Variants in SLC30A1 observed in about 807,000 individuals in gnomAD.
The protein encoded by SLC30A1 is solute carrier family 30 member 1.
In SLC30A1, 7 loss-of-function variants were observed where a neutral mutation model predicts 29.8. That is an observed-to-expected ratio of 0.23 (90% CI 0.13 to 0.44). The LOEUF is 0.44. Among genes scored for constraint, SLC30A1 ranks in the 20% least tolerant of loss-of-function variants. SLC30A1 has a pLI of 1.00. For missense variants in SLC30A1, 446 were observed against 647.9 expected (o/e 0.69, Z 3.38); for synonymous variants, 254 against 253.5 (o/e 1.00, Z -0.02).
In SLC30A1 at chr1:211,572,149, A is replaced by G. The variant is rs1211084328; in HGVS notation, c.*3239T>C. The G allele has an allele frequency of 1.3e-5, 2 of 152,154 alleles. No individual in the cohort carries two copies. The highest frequency in any genetic ancestry group is 6.5e-5 in the Admixed American group (1 of 15,274). 9.4% of individuals were successfully genotyped at this position (152,154 alleles called of 1,614,324 possible). ...AATAGCATTACCACATAGTATCGGT[A>G]GAGCTACATCAAAATAGTGCTATTA... On this transcript the variant is annotated 3_prime_UTR_variant, in exon 2 of 2. Coordinates refer to ENST00000367001, the MANE Select transcript of SLC30A1 (RefSeq NM_021194.3).
rs1372052199 is a variant in SLC30A1, at chr1:211,573,457, C to T, written c.*1931G>A. ...CAAGTAGAGCATTTGTAAAGAAAAC[C>T]TCATTGAATGTAATATATTTTATCA... On this transcript the variant is annotated 3_prime_UTR_variant, in exon 2 of 2. Coordinates refer to ENST00000367001, the MANE Select transcript of SLC30A1 (RefSeq NM_021194.3). 1 of 151,986 alleles carries T rather than the reference C, an allele frequency of 6.6e-6. No homozygotes were observed. Among genetic ancestry groups the T allele is most frequent in the Admixed American group, 6.5e-5 (1 of 15,268 alleles). The allele number at this position is 151,986 out of a possible 1,614,324, so 9.4% of individuals were successfully genotyped here.
Position 211,578,013 on chromosome 1 carries a change from G to C in SLC30A1, c.600C>G (p.Asn200Lys), listed in dbSNP as rs765430178. 1.1e-5 allele frequency: 17 copies of C among 1,613,094 alleles called. No homozygotes were observed. The highest frequency in any genetic ancestry group is 1.3e-5 in the African/African-American group (1 of 74,924). Residue 200 changes from asparagine (N) to lysine (K), a missense_variant, in exon 1 of 2, where the codon AAC (asparagine) becomes AAG (lysine). Physicochemically the swap from Asn to Lys is moderately conservative, Grantham distance 94. This residue lies in a region of SLC30A1 where 159 missense variants were observed against 161.1 expected (regional missense o/e 0.99). Coordinates refer to ENST00000367001, the MANE Select transcript of SLC30A1 (RefSeq NM_021194.3). ...CACCTGCGGGGTCCAATTTCAGCCC[G>C]TTGGAGTTGCTGGTATTGGCCACCA... ...NTLVANTSNS[N>K]GLKLDPADPE...
At position 211,575,875 on chromosome 1, in the gene SLC30A1, GT is replaced by G; in HGVS notation, c.1036del (p.Thr346LeufsTer11). 1 of 1,613,080 alleles carries G rather than the reference GT, an allele frequency of 6.2e-7. No homozygotes were observed. The highest frequency in any genetic ancestry group is 2.2e-5 in the East Asian group (1 of 44,882). On this transcript the variant is annotated frameshift_variant, in exon 2 of 2. Coordinates refer to ENST00000367001, the MANE Select transcript of SLC30A1 (RefSeq NM_021194.3). LOFTEE classifies it high-confidence loss of function. This position sits in a 1 kb window ranked among gnomAD's most constrained non-coding sequence, Gnocchi z 6.0. The part of the protein sequence containing the change: ...LKESALILLQ[T>X]VPKQIDIRNL... ...TCTGATATCAATTTGTTTAGGAACA[GT>G]TTGTAGAAGAATAAGAGCAGATTCC...
In SLC30A1 at chr1:211,577,948, A is replaced by AC; in HGVS notation, c.622+42dup. On this transcript the variant is annotated intron_variant, in intron 1 of 1. Coordinates refer to ENST00000367001, the MANE Select transcript of SLC30A1 (RefSeq NM_021194.3). The surrounding 1 kb of genome is among the most constrained non-coding windows in gnomAD (Gnocchi z 4.5). ...CCGAAGGCCAGGCGAGGCTCTGGGCACCCCAAACCCAACCACCTGCGGCAG... is the reference window on the plus strand; with the variant it reads ...CCGAAGGCCAGGCGAGGCTCTGGGCACCCCCAAACCCAACCACCTGCGGCAG... The AC allele has an allele frequency of 1.2e-6, 2 of 1,608,236 alleles. No homozygotes were observed. Among genetic ancestry groups the AC allele is most frequent in the Non-Finnish European group, 1.7e-6 (2 of 1,178,080 alleles).
rs1706659861 is a variant in SLC30A1 at position 211,572,054 on chromosome 1, A to G, written c.*3334T>C. ...TTTTTGGTTTAAAAGTTTAAATTGAATAACATACAAAAGGCTCTTGTGCCA... is the reference window on the plus strand; with the variant it reads ...TTTTTGGTTTAAAAGTTTAAATTGAGTAACATACAAAAGGCTCTTGTGCCA... On this transcript the variant is annotated 3_prime_UTR_variant, in exon 2 of 2. Coordinates refer to ENST00000367001, the MANE Select transcript of SLC30A1 (RefSeq NM_021194.3). The G allele has an allele frequency of 6.6e-6, 1 of 152,166 alleles. No homozygotes were observed. Among genetic ancestry groups the G allele is most frequent in the Non-Finnish European group, 1.5e-5 (1 of 67,984 alleles). 9.4% of individuals were successfully genotyped at this position (152,166 alleles called of 1,614,324 possible). A position where few individuals can be genotyped will look rare whatever the true frequency, so the allele number is the denominator to read the frequency against.
rs965191826 is a variant in SLC30A1 at position 211,573,889 on chromosome 1, ACCAC to A, written c.*1495_*1498del. On this transcript the variant is annotated 3_prime_UTR_variant, in exon 2 of 2. Coordinates refer to ENST00000367001, the MANE Select transcript of SLC30A1 (RefSeq NM_021194.3). ...TAGGCTTATACTAGGAAAAACACAC[ACCAC>A]AAAAGATCATCCCTTTAAAAAGTAA... 3 of 152,510 alleles carry A rather than the reference ACCAC, an allele frequency of 2.0e-5. No individual in the cohort carries two copies. The highest frequency in any genetic ancestry group is 7.2e-5 in the African/African-American group (3 of 41,452). 9.4% of individuals were successfully genotyped at this position (152,510 alleles called of 1,614,324 possible).
rs1706697063 is a variant in SLC30A1 at position 211,574,683 on chromosome 1, T to TA, written c.*704dup. On this transcript the variant is annotated 3_prime_UTR_variant, in exon 2 of 2. Transcript: ENST00000367001. ...GAATAAAAAGTTGAAATTCTCAAAA[T>TA]AATTTAGAAATGTAGTCTCAATATT... 1 of 152,170 alleles carries TA rather than the reference T, an allele frequency of 6.6e-6. No homozygotes were observed. The highest frequency in any genetic ancestry group is 1.5e-5 in the Non-Finnish European group (1 of 67,988). 9.4% of individuals were successfully genotyped at this position (152,170 alleles called of 1,614,324 possible).
rs1284554786 is a variant in SLC30A1, at chr1:211,577,592, G to C, written c.622+399C>G. ...TGGGGATTCTCTCCGTTTCCCAAGA[G>C]GGCCAAGGAATTGAATTGGGAAGCA... On this transcript the variant is annotated intron_variant, in intron 1 of 1. Coordinates refer to ENST00000367001, the MANE Select transcript of SLC30A1 (RefSeq NM_021194.3). This position sits in a 1 kb window ranked among gnomAD's most constrained non-coding sequence, Gnocchi z 4.5. Among the ~76,000 whole-genome samples, 1 of 152,192 alleles carries C rather than the reference G, an allele frequency of 6.6e-6. No homozygotes were observed. The highest frequency in any genetic ancestry group is 1.9e-4 in the East Asian group (1 of 5,194).
rs1189179905 is a variant in SLC30A1 at position 211,578,130 on chromosome 1, C to T, written c.483G>A (p.Lys161=). ...GGCGGGTGCTCTTAACGCGAGGCCC[C>T]TTGGGGAGGCCGTGGCCGTGGCCGT... ...GGHGHGHGLP[K]GPRVKSTRPG... Residue 161 remains lysine (K), a synonymous_variant, in exon 1 of 2, where the codon AAG becomes AAA. Transcript: ENST00000367001. 6.2e-7 allele frequency: 1 copy of T among 1,609,202 alleles called. No homozygotes were observed. Among genetic ancestry groups the T allele is most frequent in the Admixed American group, 1.7e-5 (1 of 59,552 alleles).
Position 211,576,273 on chromosome 1 carries a change from T to G in SLC30A1, c.639A>C (p.Arg213Ser). The change falls in exon 2 of 2, where the codon AGA becomes AGC. Residue 213 changes from arginine (R) to serine (S), a missense_variant. This residue lies in a region of SLC30A1 where 159 missense variants were observed against 161.1 expected (regional missense o/e 0.99). Transcript: ENST00000367001. ...KLDPADPENP[R>S]SGDTVEVQVN... ...CTTGTACTTCCACTGTATCACCACT[T>G]CTGGGGTTTTCTGGGTCTACAAAGA... 2 of 1,573,112 alleles carry G rather than the reference T, an allele frequency of 1.3e-6. No homozygotes were observed. The highest frequency in any genetic ancestry group is 1.7e-6 in the Non-Finnish European group (2 of 1,162,976).
rs1336631310 is a variant in SLC30A1 at position 211,577,810 on chromosome 1, G to T, written c.622+181C>A. Reference sequence around the variant, plus strand: ...CGCCGGCTCCTTGCACCCGACTGAGGGGGTTCTGATTTCCTGGAGCAGCAG... The same window carrying T: ...CGCCGGCTCCTTGCACCCGACTGAGTGGGTTCTGATTTCCTGGAGCAGCAG... On this transcript the variant is annotated intron_variant, in intron 1 of 1. Transcript: ENST00000367001. The surrounding 1 kb of genome is among the most constrained non-coding windows in gnomAD (Gnocchi z 4.5). Among the ~76,000 whole-genome samples, 1 of 152,192 alleles carries T rather than the reference G, an allele frequency of 6.6e-6. No homozygotes were observed. The highest frequency in any genetic ancestry group is 1.5e-5 in the Non-Finnish European group (1 of 68,032).
In SLC30A1 at chr1:211,578,409, C is replaced by T; in HGVS notation, c.204G>A (p.Gln68=). ...ERFARRTHAT[Q]KNTFGWIRAE... ...CTCGGATCCAGCCGAACGTGTTCTT[C>T]TGGGTGGCGTGGGTCCGCCGGGCGA... is the stretch of plus-strand genomic sequence containing the variant. Residue 68 remains glutamine, a synonymous_variant, in exon 1 of 2, where the codon CAG becomes CAA. Transcript: ENST00000367001. 1 of 1,613,442 alleles carries T rather than the reference C, an allele frequency of 6.2e-7. No homozygotes were observed. Among genetic ancestry groups the T allele is most frequent in the Non-Finnish European group, 8.5e-7 (1 of 1,179,826 alleles).
Position 211,578,748 on chromosome 1 carries a change from C to T in SLC30A1, c.-136G>A. 1.2e-6 allele frequency: 1 copy of T among 832,988 alleles called. No homozygotes were observed. Among genetic ancestry groups the T allele is most frequent in the Non-Finnish European group, 1.7e-6 (1 of 602,032 alleles). 51.6% of individuals were successfully genotyped at this position (832,988 alleles called of 1,614,324 possible). ...CGTTCGGGAAACCGCTGAGGGGCCC[C>T]CGCGGCCGCACGGGGACAAGCCCGG... On this transcript the variant is annotated 5_prime_UTR_variant, in exon 1 of 2. Transcript: ENST00000367001.
chr1:211,576,428 AAT>A, intron 1 of SLC30A1, 139 bp from the exon 2 acceptor site: 1 of 588,050 alleles, frequency 1.7e-6, no homozygotes, highest in South Asian at 2.5e-5. Context: ...AGAGCAATTT[AAT>A]ATAAATTGAC....
rs1706664554 is a variant in SLC30A1, at chr1:211,572,297, G to A, written c.*3091C>T. The A allele has an allele frequency of 6.6e-6, 1 of 152,050 alleles. No homozygotes were observed. 9.4% of individuals were successfully genotyped at this position (152,050 alleles called of 1,614,324 possible). On this transcript the variant is annotated 3_prime_UTR_variant, in exon 2 of 2. Coordinates refer to ENST00000367001, the MANE Select transcript of SLC30A1 (RefSeq NM_021194.3). ...CTGTTTATGACTTAACTGAAACTCAGTATTAAAATAAATATTTTTATATTG... is the reference window on the plus strand; with the variant it reads ...CTGTTTATGACTTAACTGAAACTCAATATTAAAATAAATATTTTTATATTG...
At position 211,578,975 on chromosome 1, in the gene SLC30A1, G is replaced by GGAGGGCGGCGGGCGAGGGCGGCAGGA. The variant is rs1706757055; in HGVS notation, c.-389_-364dup. Among the ~76,000 whole-genome samples, 2 of 152,206 alleles carry GGAGGGCGGCGGGCGAGGGCGGCAGGA rather than the reference G, an allele frequency of 1.3e-5. No homozygotes were observed. Among genetic ancestry groups the GGAGGGCGGCGGGCGAGGGCGGCAGGA allele is most frequent in the Admixed American group, 6.5e-5 (1 of 15,290 alleles). ...AAGAGCCGCAGCCGGAGCAGGAGCA[G>GGAGGGCGGCGGGCGAGGGCGGCAGGA]GAGGGCGGCGGGCGAGGGCGGCAGG... is the stretch of plus-strand genomic sequence containing the variant. On this transcript the variant is annotated 5_prime_UTR_variant, in exon 1 of 2. An upstream open reading frame in the 5' UTR gains an earlier in-frame stop. Coordinates refer to ENST00000367001, the MANE Select transcript of SLC30A1 (RefSeq NM_021194.3).
rs1190603914 is a variant in SLC30A1, at chr1:211,572,250, C to T, written c.*3138G>A. Reference sequence around the variant, plus strand: ...AAAAATGACAAACAAAAAACCCCTACACCTTCCCAAGAGTTTTAACACTGT... The same window carrying T: ...AAAAATGACAAACAAAAAACCCCTATACCTTCCCAAGAGTTTTAACACTGT... On this transcript the variant is annotated 3_prime_UTR_variant, in exon 2 of 2. Transcript: ENST00000367001. 3 of 152,088 alleles carry T rather than the reference C, an allele frequency of 2.0e-5. No individual in the cohort carries two copies. The highest frequency in any genetic ancestry group is 4.4e-5 in the Non-Finnish European group (3 of 67,948). 9.4% of individuals were successfully genotyped at this position (152,088 alleles called of 1,614,324 possible). A position where few individuals can be genotyped will look rare whatever the true frequency, so the allele number is the denominator to read the frequency against.
At position 211,573,240 on chromosome 1, in the gene SLC30A1, C is replaced by T. The variant is rs914092457; in HGVS notation, c.*2148G>A. The T allele has an allele frequency of 6.6e-6, 1 of 152,006 alleles. No individual in the cohort carries two copies. The highest frequency in any genetic ancestry group is 2.4e-5 in the African/African-American group (1 of 41,426). 9.4% of individuals were successfully genotyped at this position (152,006 alleles called of 1,614,324 possible). A position where few individuals can be genotyped will look rare whatever the true frequency, so the allele number is the denominator to read the frequency against. ...TTGAAAAAAGAAAATCCTATGGTAC[C>T]ACCATTATATATAAGCTACTTAAAA... is the stretch of plus-strand genomic sequence containing the variant. On this transcript the variant is annotated 3_prime_UTR_variant, in exon 2 of 2. Transcript: ENST00000367001.
Position 211,577,853 on chromosome 1 carries a change from G to C in SLC30A1, c.622+138C>G. ...AGCAGCAGCGGGGCGTGTGCAGGAC[G>C]GGGAGGGAGCAGGCAGGGGCGGCGC... On this transcript the variant is annotated intron_variant, in intron 1 of 1. Transcript: ENST00000367001. This position sits in a 1 kb window ranked among gnomAD's most constrained non-coding sequence, Gnocchi z 4.5. 6 of 1,163,676 alleles carry C rather than the reference G, an allele frequency of 5.2e-6. No individual in the cohort carries two copies. Among genetic ancestry groups the C allele is most frequent in the Non-Finnish European group, 7.1e-6 (6 of 848,546 alleles). 72.1% of individuals were successfully genotyped at this position (1,163,676 alleles called of 1,614,324 possible).
Sources: allele counts gnomAD v4.1 joint callset (sites outside exome capture counted in the v4.1 genomes callset), GRCh38; gene constraint gnomAD v4.1.1; regional missense constraint gnomAD v4.1.1; non-coding constraint Gnocchi (gnomAD v3.1); transcripts MANE v1.5; gene names NCBI Gene and HGNC (gene_info 2026-07-23, HGNC 2026-07-21).